EFCAB6: variants seen among roughly 807,000 people sequenced by gnomAD.
The protein encoded by EFCAB6 is EF-hand calcium-binding domain-containing protein 6.
In EFCAB6, 156 loss-of-function variants were observed where a neutral mutation model predicts 169.8. That is an observed-to-expected ratio of 0.92 (90% CI 0.81 to 1.05). The LOEUF (loss-of-function observed/expected upper bound fraction) is 1.05, where lower values mean the gene tolerates loss of function less well. Ranked by LOEUF, EFCAB6 falls within the 50% of genes least tolerant of loss-of-function variation. The pLI is 0.00. For missense variants in EFCAB6, 1,800 were observed against 1,829.1 expected (o/e 0.98, Z 0.29); for synonymous variants, 698 against 676.4 (o/e 1.03, Z -0.50).
At chr22:43,651,766 C>A (rs1255956586) in intron 17 of EFCAB6, among the ~76,000 whole-genome samples, 1 of 152,234 alleles carries the variant, frequency 6.6e-6, no homozygotes, top group African/African-American at 2.4e-5. Flanking sequence ...ATCAGTGTGA[C>A]CTGGATGTGA....
chr22:43,800,833 T>G (rs2062684166), intron 2 of EFCAB6, among the ~76,000 whole-genome samples: 1 of 152,172 alleles, frequency 6.6e-6, no homozygotes, highest in South Asian at 2.1e-4. Flanking sequence ...ACCTATAAGA[T>G]ATAGAAAATT....
chr22:43,618,319 TC>T (rs5845611), intron 20 of EFCAB6, among the ~76,000 whole-genome samples: 41,990 of 151,582 alleles, frequency 0.28, 6,405 homozygotes, highest in East Asian at 0.62. Flanking sequence ...AGGGGAGACT[TC>T]GTCAGGAAGA....
At chr22:43,673,946 G>A (rs2057608508) in intron 13 of EFCAB6, among the ~76,000 whole-genome samples, 3 of 147,640 alleles carry the variant, frequency 2.0e-5, no homozygotes, top group African/African-American at 7.5e-5. Flanking sequence ...CAGCCTGGGT[G>A]ACACAGCAAG....
intron 2 of EFCAB6, among the ~76,000 whole-genome samples, chr22:43,803,056 A>G (rs1298526082): frequency 6.6e-6 from 1 of 152,216 alleles, no homozygotes; most frequent in Admixed American, 6.5e-5. Context: ...TTAGCATGAA[A>G]GCCTTAAGGA....
rs567399288 is a variant in EFCAB6 at position 43,545,855 on chromosome 22, G to A, written c.3649-5498C>T. Among the ~76,000 whole-genome samples, 4 of 152,244 alleles carry A rather than the reference G, an allele frequency of 2.6e-5. 1 individual carries two copies. In the South Asian group the frequency reaches 8.3e-4, roughly 32 times the overall value. ...GAAGAAGCAAACCCTAATCATCTTC[G>A]TAGACAATCATACTCAGTCCAGGCC... On this transcript the variant is annotated intron_variant, in intron 27 of 31. Coordinates refer to ENST00000262726, the MANE Select transcript of EFCAB6 (RefSeq NM_022785.4).
intron 10 of EFCAB6, among the ~76,000 whole-genome samples, chr22:43,708,064 G>GA (rs919846346): frequency 5.9e-5 from 8 of 134,594 alleles, no homozygotes; most frequent in African/African-American, 1.7e-4. Flanking sequence ...CAGTGGAAGG[G>GA]AAAAAAAAGA....
At chr22:43,731,635 A>G in intron 8 of EFCAB6, 64 bp downstream of exon 8, 2 of 953,676 alleles carry the variant, frequency 2.1e-6, no homozygotes, top group Non-Finnish European at 3.1e-6. Flanking sequence ...AATGATCCAA[A>G]GAACAGGAAT....
At chr22:43,749,690 G>A (rs911481723) in intron 6 of EFCAB6, among the ~76,000 whole-genome samples, 1 of 152,062 alleles carries the variant, frequency 6.6e-6, no homozygotes, top group Non-Finnish European at 1.5e-5. Flanking sequence ...TTCCCGACAG[G>A]CCACCAACCA....
intron 2 of EFCAB6, among the ~76,000 whole-genome samples, chr22:43,804,072 G>A (rs1461713353): frequency 6.6e-6 from 1 of 151,990 alleles, no homozygotes; most frequent in Non-Finnish European, 1.5e-5. Flanking sequence ...CACATCTTAG[G>A]CCACAAAACA....
rs572756177 is a variant in EFCAB6 at position 43,773,563 on chromosome 22, G to A, written c.140-460C>T. Among the ~76,000 whole-genome samples the A allele has an allele frequency of 6.6e-5, 10 of 152,278 alleles. 1 individual carries two copies. Among genetic ancestry groups the A allele is most frequent in the South Asian group, 4.1e-4 (2 of 4,824 alleles). The stretch of plus-strand genomic sequence containing the variant: ...TAAAATGCAGATATAAAAATGTTCC[G>A]AGGGCTGGGCACGGTGGCTCACGCC... On this transcript the variant is annotated intron_variant, in intron 3 of 31. Coordinates refer to ENST00000262726, the MANE Select transcript of EFCAB6 (RefSeq NM_022785.4).
rs149507765 is a variant in EFCAB6 at position 43,792,938 on chromosome 22, C to A, written c.-7-10613G>T. Among the ~76,000 whole-genome samples the A allele has an allele frequency of 3.5e-4, 53 of 152,326 alleles. No homozygotes were observed. In the South Asian group the frequency reaches 0.011, roughly 30 times the overall value. On this transcript the variant is annotated intron_variant, in intron 2 of 31. Transcript: ENST00000262726. ...CACGCATTACCCGGCTCTCTAAGCACGTGGGGAACATCCACTGTTACTGCA... is the reference window on the plus strand; with the variant it reads ...CACGCATTACCCGGCTCTCTAAGCAAGTGGGGAACATCCACTGTTACTGCA...
chr22:43,638,710 C>CACTTAA (rs1191928929), intron 17 of EFCAB6, among the ~76,000 whole-genome samples: 5 of 152,018 alleles, frequency 3.3e-5, no homozygotes, highest in African/African-American at 1.2e-4. Context: ...TTTTCACAGT[C>CACTTAA]TATTTAGACT....
intron 8 of EFCAB6, among the ~76,000 whole-genome samples, chr22:43,724,585 G>A (rs576333480): frequency 6.6e-6 from 1 of 152,126 alleles, no homozygotes; most frequent in East Asian, 1.9e-4. Flanking sequence ...GGCCAGGCTG[G>A]TCTTTAACTC....
intron 17 of EFCAB6, among the ~76,000 whole-genome samples, chr22:43,652,164 A>C (rs1050316931): frequency 6.6e-6 from 1 of 152,162 alleles, no homozygotes; most frequent in African/African-American, 2.4e-5. Flanking sequence ...CTCATCTTGA[A>C]TTCCCATGTG....
At chr22:43,775,525 C>G (rs1457720559) in intron 3 of EFCAB6, among the ~76,000 whole-genome samples, 2 of 152,178 alleles carry the variant, frequency 1.3e-5, no homozygotes, top group African/African-American at 2.4e-5. Flanking sequence ...TCACTGCAAC[C>G]TCCACCTCCT....
At chr22:43,615,631 T>C (rs2053634063) in intron 21 of EFCAB6, among the ~76,000 whole-genome samples, 195 bp downstream of exon 21, 1 of 152,198 alleles carries the variant, frequency 6.6e-6, no homozygotes, top group Admixed American at 6.5e-5. Context: ...TCCTTATCTT[T>C]CTAAACCTCA....
Position 43,590,115 on chromosome 22 carries a change from T to C in EFCAB6, c.2991A>G (p.Gly997=), listed in dbSNP as rs577386315. The change falls in exon 24 of 32, where the codon GGA becomes GGG. Residue 997 remains glycine (G), a synonymous_variant. Transcript: ENST00000262726. ...TCAGCTCCCCTTCGGTAAGAGAACATCCACATTCTTCCAGCACTTCCTGCA... is the reference window on the plus strand; with the variant it reads ...TCAGCTCCCCTTCGGTAAGAGAACACCCACATTCTTCCAGCACTTCCTGCA... The part of the protein sequence containing the change: ...CKMQEVLEEC[G]CSLTEGELTH... The C allele has an allele frequency of 1.9e-6, 3 of 1,614,008 alleles. No individual in the cohort carries two copies. The highest frequency in any genetic ancestry group is 2.7e-5 in the African/African-American group (2 of 74,930).
At chr22:43,732,237 T>C (rs2059979258) in intron 7 of EFCAB6, among the ~76,000 whole-genome samples, 1 of 152,026 alleles carries the variant, frequency 6.6e-6, no homozygotes, top group Non-Finnish European at 1.5e-5. Flanking sequence ...AAAATTTCCA[T>C]AAGCAGGGAA....
At chr22:43,554,829 C>A in intron 27 of EFCAB6, 40 bp downstream of exon 27, 1 of 1,580,392 alleles carries the variant, frequency 6.3e-7, no homozygotes, top group East Asian at 2.2e-5. Flanking sequence ...TGACGCTCAG[C>A]CAACGGTGTG....
Sources: allele counts gnomAD v4.1 joint callset (sites outside exome capture counted in the v4.1 genomes callset), GRCh38; gene constraint gnomAD v4.1.1; transcripts MANE v1.5; gene names NCBI Gene and HGNC (gene_info 2026-07-23, HGNC 2026-07-21).